The following SGMS1 variants were observed in gnomAD, a reference collection of about 807,000 sequenced individuals.
SGMS1 encodes phosphatidylcholine:ceramide cholinephosphotransferase 1.
In SGMS1, 13 loss-of-function variants were observed where a neutral mutation model predicts 46.2. That is an observed-to-expected ratio of 0.28 (90% confidence interval 0.18 to 0.45). The LOEUF (loss-of-function observed/expected upper bound fraction) is 0.45. SGMS1 is among the 20% of genes least tolerant of loss of function. SGMS1 has a pLI of 1.00. For missense variants in SGMS1, 324 were observed against 519.9 expected, an observed-to-expected ratio of 0.62 and a Z score of 3.66; for synonymous variants, 203 against 187.8, an observed-to-expected ratio of 1.08 and a Z score of -0.66.
At chr10:50,494,635 G>T (rs1277615563) in intron 3 of SGMS1, among the ~76,000 whole-genome samples, 1 of 152,178 alleles carries the variant, frequency 6.6e-6, no homozygotes, top group Non-Finnish European at 1.5e-5. Flanking sequence ...AGAGGGTAGA[G>T]GGTAGGAGGA....
At chr10:50,616,640 A>G (rs948863538) in intron 1 of SGMS1, among the ~76,000 whole-genome samples, 5 of 152,180 alleles carry the variant, frequency 3.3e-5, no homozygotes, top group African/African-American at 7.2e-5. Flanking sequence ...AATTTCACCA[A>G]TGTCATTACA....
intron 1 of SGMS1, among the ~76,000 whole-genome samples, chr10:50,610,438 AC>A (rs1564443936): frequency 1.3e-5 from 2 of 152,116 alleles, no homozygotes; most frequent in African/African-American, 4.8e-5. Context: ...CCATCCAGGG[AC>A]CCCCAATAAG....
intron 2 of SGMS1, among the ~76,000 whole-genome samples, chr10:50,571,315 T>C (rs1221027802): frequency 6.6e-6 from 1 of 152,218 alleles, no homozygotes; most frequent in Non-Finnish European, 1.5e-5. Flanking sequence ...AGAAATGTCA[T>C]GAACAGACCA....
intron 3 of SGMS1, among the ~76,000 whole-genome samples, chr10:50,519,508 G>A (rs756470120): frequency 3.3e-5 from 5 of 151,988 alleles, no homozygotes; most frequent in African/African-American, 4.8e-5. Flanking sequence ...TTCAAATTCA[G>A]CAGCATCCTT....
intron 5 of SGMS1, among the ~76,000 whole-genome samples, chr10:50,455,946 C>T (rs1837185793): frequency 6.6e-6 from 1 of 152,182 alleles, no homozygotes; most frequent in African/African-American, 2.4e-5. Flanking sequence ...CTAACCCTAA[C>T]ATTTCTGAGG....
intron 7 of SGMS1, among the ~76,000 whole-genome samples, chr10:50,340,006 A>G (rs1189486691): frequency 6.6e-6 from 1 of 152,204 alleles, no homozygotes; most frequent in African/African-American, 2.4e-5. Flanking sequence ...TTAGAATGGA[A>G]ACAACTTAGT....
intron 6 of SGMS1, among the ~76,000 whole-genome samples, chr10:50,375,714 T>C (rs1239470098): frequency 6.6e-6 from 1 of 152,194 alleles, no homozygotes; most frequent in African/African-American, 2.4e-5. Flanking sequence ...GTAGTATAGA[T>C]GGCAGAAGGC....
chr10:50,544,478 C>T (rs1177163219), intron 2 of SGMS1, among the ~76,000 whole-genome samples: 2 of 152,178 alleles, frequency 1.3e-5, no homozygotes, highest in African/African-American at 2.4e-5. Flanking sequence ...TTGCATATGC[C>T]TCTCTCTCAC....
chr10:50,596,343 A>C (rs1838592835), intron 1 of SGMS1, among the ~76,000 whole-genome samples: 1 of 152,122 alleles, frequency 6.6e-6, no homozygotes, highest in African/African-American at 2.4e-5. Flanking sequence ...CACCTGGCTA[A>C]TTTTTTGTAT....
At chr10:50,364,339 G>C (rs1413505791) in intron 6 of SGMS1, among the ~76,000 whole-genome samples, 1 of 152,128 alleles carries the variant, frequency 6.6e-6, no homozygotes, top group Non-Finnish European at 1.5e-5. Context: ...AAAAACAATG[G>C]CTGAAAGTAC....
intron 5 of SGMS1, among the ~76,000 whole-genome samples, chr10:50,457,995 G>C (rs1412254575): frequency 6.6e-6 from 1 of 152,196 alleles, no homozygotes; most frequent in Admixed American, 6.5e-5. Context: ...GCTGCTAGCA[G>C]CATGGTAAGC....
intron 6 of SGMS1, among the ~76,000 whole-genome samples, chr10:50,382,624 A>C (rs568337031): frequency 3.3e-4 from 50 of 150,786 alleles, no homozygotes; most frequent in African/African-American, 1.1e-3. Context: ...CCAAAAAAAA[A>C]ACACACACAC....
intron 5 of SGMS1, among the ~76,000 whole-genome samples, chr10:50,457,257 AC>A (rs1837203396): frequency 6.6e-6 from 1 of 152,240 alleles, no homozygotes; most frequent in Non-Finnish European, 1.5e-5. Flanking sequence ...AAAAAGGCAT[AC>A]ATCTTCATAG....
chr10:50,331,252 A>G (rs1191237464), intron 7 of SGMS1, among the ~76,000 whole-genome samples: 1 of 152,228 alleles, frequency 6.6e-6, no homozygotes, highest in East Asian at 1.9e-4. Flanking sequence ...TTTACTTCTT[A>G]AGACCACCTG....
intron 6 of SGMS1, among the ~76,000 whole-genome samples, chr10:50,396,198 C>T (rs751712887): frequency 1.1e-4 from 17 of 152,148 alleles, no homozygotes; most frequent in Middle Eastern, 3.4e-3. Flanking sequence ...TCTCTGAGCC[C>T]TCAGGGTGGG....
intron 8 of SGMS1, among the ~76,000 whole-genome samples, chr10:50,323,148 G>T (rs11005193): frequency 2.0e-5 from 3 of 151,966 alleles, no homozygotes; most frequent in Admixed American, 1.3e-4. Flanking sequence ...TTCTCTGAGC[G>T]ATTATATTTT....
chr10:50,539,906 A>T (rs1838037199), intron 2 of SGMS1, among the ~76,000 whole-genome samples: 1 of 152,218 alleles, frequency 6.6e-6, no homozygotes, highest in Admixed American at 6.5e-5. Context: ...TATGCAACTG[A>T]AAGTTTAATT....
chr10:50,326,089 G>A (rs949149120), intron 8 of SGMS1, among the ~76,000 whole-genome samples: 1 of 152,082 alleles, frequency 6.6e-6, no homozygotes, highest in Non-Finnish European at 1.5e-5. Context: ...AGAGTGGAAT[G>A]TTGAGAACAT....
rs1330043972 is a variant in SGMS1 at position 50,444,084 on chromosome 10, A to AT, written c.-312-10529dup. Among the ~76,000 whole-genome samples the AT allele has an allele frequency of 3.3e-5, 5 of 152,308 alleles. No homozygotes were observed. The South Asian group carries it at 6.2e-4, about 19-fold the overall frequency. ...ACAGAATTTTTTAAAAGTCTAAAGGATAAGACATATAGGAAACAAGTTTTA... is the reference window on the plus strand; with the variant it reads ...ACAGAATTTTTTAAAAGTCTAAAGGATTAAGACATATAGGAAACAAGTTTTA... On this transcript the variant is annotated intron_variant, in intron 5 of 10. Transcript: ENST00000361781.
Sources: allele counts gnomAD v4.1 joint callset (sites outside exome capture counted in the v4.1 genomes callset), GRCh38; gene constraint gnomAD v4.1.1; transcripts MANE v1.5; gene names NCBI Gene and HGNC (gene_info 2026-07-23, HGNC 2026-07-21).